The following PAPPA2 variants were observed in gnomAD, a reference collection of about 807,000 sequenced individuals.
The protein encoded by PAPPA2 is pappalysin 2, also known as pappalysin-2.
A neutral mutation model predicts 176.4 loss-of-function variants in PAPPA2; 86 were observed. The observed-to-expected ratio is 0.49, with a 90% CI of 0.41 to 0.58. PAPPA2 has a LOEUF of 0.58. PAPPA2 is among the 20% of genes least tolerant of loss of function. PAPPA2 has a pLI of 0.00. For synonymous variants in PAPPA2, 809 were observed against 852.2 expected, an observed-to-expected ratio of 0.95 and a Z score of 0.88; for missense variants, 2,073 against 2,256.9, an observed-to-expected ratio of 0.92 and a Z score of 1.65.
At chr1:176,648,875 G>T (rs2102739321) in intron 3 of PAPPA2, among the ~76,000 whole-genome samples, 1 of 151,622 alleles carries the variant, frequency 6.6e-6, no homozygotes, top group South Asian at 2.1e-4. Context: ...GTTCGTTAGG[G>T]ATATTGGCCT....
rs1272000878 is a variant in PAPPA2 at position 176,843,526 on chromosome 1, C to A, written c.*1072C>A. The A allele has an allele frequency of 6.6e-6, 1 of 152,180 alleles. No homozygotes were observed. The highest frequency in any genetic ancestry group is 1.5e-5 in the Non-Finnish European group (1 of 68,046). The allele number at this position is 152,180 out of a possible 1,614,324, so 9.4% of individuals were successfully genotyped here. A position where few individuals can be genotyped will look rare whatever the true frequency, so the allele number is the denominator to read the frequency against. Reference sequence around the variant, plus strand: ...CAACAAGTTTGTACTATGGCCCATTCTCTGATCACCAGGATTACAGGAACT... The same window carrying A: ...CAACAAGTTTGTACTATGGCCCATTATCTGATCACCAGGATTACAGGAACT... On this transcript the variant is annotated 3_prime_UTR_variant, in exon 23 of 23. Transcript: ENST00000367662.
chr1:176,516,142 C>A (rs76294445), intron 1 of PAPPA2, among the ~76,000 whole-genome samples: 1 of 152,102 alleles, frequency 6.6e-6, no homozygotes, highest in East Asian at 1.9e-4. Flanking sequence ...GAAGTAGAGC[C>A]CCCAAACCAT....
At chr1:176,681,089 G>T (rs1209038813) in intron 4 of PAPPA2, among the ~76,000 whole-genome samples, 2 of 151,838 alleles carry the variant, frequency 1.3e-5, no homozygotes, top group African/African-American at 4.8e-5. Flanking sequence ...AAGAGGGAGG[G>T]GGAATAGGTA....
chr1:176,830,723 C>T (rs1667050964), intron 21 of PAPPA2, among the ~76,000 whole-genome samples: 1 of 152,194 alleles, frequency 6.6e-6, no homozygotes, highest in Non-Finnish European at 1.5e-5. Flanking sequence ...TACAAGAACT[C>T]ATGGGCCTAT....
chr1:176,655,702 G>A (rs1657995258), intron 3 of PAPPA2, among the ~76,000 whole-genome samples: 1 of 151,718 alleles, frequency 6.6e-6, no homozygotes, highest in African/African-American at 2.4e-5. Flanking sequence ...GTAGAAAGCG[G>A]GTGGATGATA....
chr1:176,843,190 G>T lies in PAPPA2; in HGVS notation c.*736G>T, dbSNP rs1432767959. 1.3e-5 allele frequency: 2 copies of T among 152,006 alleles called. No homozygotes were observed. Among genetic ancestry groups the T allele is most frequent in the Non-Finnish European group, 2.9e-5 (2 of 68,012 alleles). The allele number at this position is 152,006 out of a possible 1,614,324, so 9.4% of individuals were successfully genotyped here. A position where few individuals can be genotyped will look rare whatever the true frequency, so the allele number is the denominator to read the frequency against. On this transcript the variant is annotated 3_prime_UTR_variant, in exon 23 of 23. Transcript: ENST00000367662. ...TGAATGGGAAGTACAGAAGGAGAGA[G>T]AGTAATTAGATGGAATTCTGGATGC...
intron 2 of PAPPA2, among the ~76,000 whole-genome samples, chr1:176,571,396 G>T (rs905063596): frequency 6.6e-6 from 1 of 152,216 alleles, no homozygotes; most frequent in Non-Finnish European, 1.5e-5. Context: ...TCCCTCATCT[G>T]TAAAATGGAG....
intron 4 of PAPPA2, among the ~76,000 whole-genome samples, chr1:176,675,405 T>C (rs931697493): frequency 2.0e-5 from 3 of 151,988 alleles, no homozygotes; most frequent in African/African-American, 7.2e-5. Flanking sequence ...ATGATTAATA[T>C]GTAAAAATAG....
chr1:176,812,220 T>G (rs559773081), intron 21 of PAPPA2, among the ~76,000 whole-genome samples: 5 of 146,942 alleles, frequency 3.4e-5, no homozygotes, highest in Admixed American at 1.4e-4. Context: ...TCTTTTTTTT[T>G]TGGGGGGAGG....
intron 14 of PAPPA2, among the ~76,000 whole-genome samples, chr1:176,751,000 C>G (rs1663148179): frequency 6.6e-6 from 1 of 151,812 alleles, no homozygotes; most frequent in African/African-American, 2.4e-5. Flanking sequence ...TTTAATCCAT[C>G]TTGAATTGAT....
chr1:176,575,156 T>C lies in PAPPA2; in HGVS notation c.919+17915T>C, dbSNP rs189578027. Among the ~76,000 whole-genome samples, 14 of 152,292 alleles carry C rather than the reference T, an allele frequency of 9.2e-5. No individual in the cohort carries two copies. In the East Asian group the frequency reaches 2.7e-3, roughly 29 times the overall value. ...GGAGACCCCTGCTGCTCCAGATTTA[T>C]CTGAGGTCAATGGCATGCTGGACCT... is the stretch of plus-strand genomic sequence containing the variant. On this transcript the variant is annotated intron_variant, in intron 2 of 22. Transcript: ENST00000367662.
At chr1:176,783,842 C>G (rs1664819181) in intron 17 of PAPPA2, among the ~76,000 whole-genome samples, 1 of 152,160 alleles carries the variant, frequency 6.6e-6, no homozygotes, top group South Asian at 2.1e-4. Flanking sequence ...AGTTTACCAA[C>G]CTGGCTGCAC....
At chr1:176,526,349 T>C (rs1375318249) in intron 1 of PAPPA2, among the ~76,000 whole-genome samples, 10 of 152,238 alleles carry the variant, frequency 6.6e-5, no homozygotes, top group Admixed American at 5.9e-4. Flanking sequence ...TGTGACCATG[T>C]GACAGAGTTG....
rs7512824 is a variant in PAPPA2 at position 176,832,370 on chromosome 1, T to C, written c.5203-7803T>C. Among the ~76,000 whole-genome samples the C allele has an allele frequency of 7.0e-3, 1,058 of 152,222 alleles. 15 individuals carry two copies. The highest frequency in any genetic ancestry group is 0.025 in the African/African-American group (1,035 of 41,534). On this transcript the variant is annotated intron_variant, in intron 21 of 22. Coordinates refer to ENST00000367662, the MANE Select transcript of PAPPA2 (RefSeq NM_020318.3). ...GTAAAACCATACGCTGTGCTCTTCT[T>C]TTTTTTGAGACAGAGTCTCACTCTC... is the stretch of plus-strand genomic sequence containing the variant.
Position 176,711,909 on chromosome 1 carries a change from A to G in PAPPA2, c.3726A>G (p.Glu1242=), listed in dbSNP as rs756569861. The change falls in exon 12 of 23, where the codon GAA becomes GAG. Residue 1242 remains glutamate, a synonymous_variant. Coordinates refer to ENST00000367662, the MANE Select transcript of PAPPA2 (RefSeq NM_020318.3). ...LTGWFPCVAS[E]NETQDDRSEQ... ...GCTGGTTTCCCTGTGTTGCCAGTGA[A>G]AATGAAACTCAGGATGACAGGAGTG... The G allele has an allele frequency of 6.2e-7, 1 of 1,613,706 alleles. No homozygotes were observed. The highest frequency in any genetic ancestry group is 1.7e-5 in the Admixed American group (1 of 59,994).
At chr1:176,557,689 A>G (rs543934812) in intron 2 of PAPPA2, among the ~76,000 whole-genome samples, 1 of 152,302 alleles carries the variant, frequency 6.6e-6, no homozygotes, top group African/African-American at 2.4e-5. Context: ...GTGGTGAGGA[A>G]ACAAGGCTGC....
intron 14 of PAPPA2, among the ~76,000 whole-genome samples, chr1:176,750,933 G>A (rs939261032): frequency 1.1e-4 from 17 of 152,076 alleles, no homozygotes; most frequent in Non-Finnish European, 1.9e-4. Context: ...TGTCCTGAAT[G>A]GTAATGCCTA....
intron 17 of PAPPA2, among the ~76,000 whole-genome samples, chr1:176,781,610 G>C (rs1181853549): frequency 1.3e-5 from 2 of 151,952 alleles, no homozygotes. Context: ...CAATTTGTTA[G>C]AGGAAAACTG....
At chr1:176,671,244 G>A in intron 4 of PAPPA2, 129 bp downstream of exon 4, 1 of 1,269,578 alleles carries the variant, frequency 7.9e-7, no homozygotes, top group Non-Finnish European at 1.1e-6. Context: ...TAACTGCTTT[G>A]TGCTGAGAAT....
Sources: gnomAD v4.1 joint callset for allele counts (sites outside exome capture counted in the v4.1 genomes callset) on GRCh38, gnomAD v4.1.1 for gene constraint, MANE v1.5 for transcripts, NCBI Gene and HGNC (gene_info 2026-07-23, HGNC 2026-07-21) for gene names.